Variants in DRC11 observed in about 807,000 individuals in gnomAD.
DRC11 encodes the protein IQ and AAA domain-containing protein 1.
the DRC11 span, among the ~76,000 whole-genome samples, chr2:236,447,384 G>C: frequency 6.6e-6 from 1 of 151,676 alleles, no homozygotes; most frequent in Non-Finnish European, 1.5e-5. The surrounding 1 kb of genome is among the most constrained non-coding windows in gnomAD (Gnocchi z 4.6). Context: ...GCTGGGAGCT[G>C]GCGAGGAGAG....
chr2:236,369,781 T>C, the DRC11 span, among the ~76,000 whole-genome samples: 1 of 152,188 alleles, frequency 6.6e-6, no homozygotes, highest in Non-Finnish European at 1.5e-5. This position sits in a 1 kb window ranked among gnomAD's most constrained non-coding sequence, Gnocchi z 4.5. Context: ...ACAGAAGCCA[T>C]GCCCCTTCCC....
At chr2:236,315,054 A>G in the DRC11 span, among the ~76,000 whole-genome samples, 4 of 152,248 alleles carry the variant, frequency 2.6e-5, no homozygotes, top group Non-Finnish European at 5.9e-5. The surrounding 1 kb of genome is among the most constrained non-coding windows in gnomAD (Gnocchi z 5.1). Context: ...GTAAAGCTAC[A>G]GTGCTCAAGT....
the DRC11 span, among the ~76,000 whole-genome samples, chr2:236,406,982 T>C: frequency 6.6e-6 from 1 of 152,154 alleles, no homozygotes; most frequent in Non-Finnish European, 1.5e-5. The surrounding 1 kb of genome is among the most constrained non-coding windows in gnomAD (Gnocchi z 4.7). Flanking sequence ...CTTGACCTCG[T>C]GATCCGCCTG....
the DRC11 span, chr2:236,368,739 A>G: frequency 1.2e-5 from 2 of 161,632 alleles, no homozygotes; most frequent in Admixed American, 5.8e-5. Context: ...TAGAATTTGT[A>G]TTGGAGCAGT....
At chr2:236,479,308 A>G in the DRC11 span, among the ~76,000 whole-genome samples, 2 of 152,184 alleles carry the variant, frequency 1.3e-5, no homozygotes, top group African/African-American at 2.4e-5. The surrounding 1 kb of genome is among the most constrained non-coding windows in gnomAD (Gnocchi z 4.1). Flanking sequence ...GCCACTCTCT[A>G]TCACTTAATT....
At chr2:236,400,951 C>CAAG in the DRC11 span, among the ~76,000 whole-genome samples, 1 of 152,196 alleles carries the variant, frequency 6.6e-6, no homozygotes, top group Non-Finnish European at 1.5e-5. The surrounding 1 kb of genome is among the most constrained non-coding windows in gnomAD (Gnocchi z 7.9). Flanking sequence ...TGCCCTGGCC[C>CAAG]CTTGCTCCAA....
the DRC11 span, among the ~76,000 whole-genome samples, chr2:236,343,186 AG>A: frequency 0.015 from 2,338 of 152,132 alleles, 23 homozygotes; most frequent in Non-Finnish European, 0.024. The surrounding 1 kb of genome is among the most constrained non-coding windows in gnomAD (Gnocchi z 6.6). Flanking sequence ...GGGTGTCTAC[AG>A]GGTATATTTC....
chr2:236,468,833 G>C, the DRC11 span, among the ~76,000 whole-genome samples: 3 of 152,182 alleles, frequency 2.0e-5, no homozygotes, highest in African/African-American at 4.8e-5. Flanking sequence ...TTGAAGTCTT[G>C]TATTAATAAT....
the DRC11 span, among the ~76,000 whole-genome samples, chr2:236,496,816 G>A: frequency 6.6e-6 from 1 of 152,200 alleles, no homozygotes; most frequent in Non-Finnish European, 1.5e-5. This position sits in a 1 kb window ranked among gnomAD's most constrained non-coding sequence, Gnocchi z 6.3. Context: ...AGGAGCGGGC[G>A]CTGCTACTGG....
the DRC11 span, chr2:236,364,087 A>C: frequency 1.1e-6 from 1 of 915,644 alleles, no homozygotes; most frequent in Admixed American, 2.6e-5. Flanking sequence ...CACTTTCTGC[A>C]ACAGTGATAA....
At chr2:236,310,820 GT>G in the DRC11 span, among the ~76,000 whole-genome samples, 1 of 152,202 alleles carries the variant, frequency 6.6e-6, no homozygotes, top group African/African-American at 2.4e-5. The surrounding 1 kb of genome is among the most constrained non-coding windows in gnomAD (Gnocchi z 5.5). Flanking sequence ...TGGATGTCTT[GT>G]TGGGGAGGAT....
chr2:236,320,098 TTGAG>T, the DRC11 span, among the ~76,000 whole-genome samples: 1 of 152,164 alleles, frequency 6.6e-6, no homozygotes, highest in Non-Finnish European at 1.5e-5. Context: ...AACTGTGAAT[TTGAG>T]TGCAGCAGAA....
the DRC11 span, among the ~76,000 whole-genome samples, chr2:236,491,184 C>T: frequency 5.7e-5 from 3 of 52,568 alleles, no homozygotes; most frequent in East Asian, 3.1e-4. Context: ...TATATATACA[C>T]ACAGTATATA....
chr2:236,389,926 T>C, the DRC11 span, among the ~76,000 whole-genome samples: 22 of 152,322 alleles, frequency 1.4e-4, no homozygotes, highest in South Asian at 2.9e-3. Flanking sequence ...TCCTGGAGAA[T>C]GTTCCATGCA....
chr2:236,461,231 T>C, the DRC11 span, among the ~76,000 whole-genome samples: 1 of 152,172 alleles, frequency 6.6e-6, no homozygotes, highest in African/African-American at 2.4e-5. This position sits in a 1 kb window ranked among gnomAD's most constrained non-coding sequence, Gnocchi z 4.0. Flanking sequence ...TTACAGAAAA[T>C]ATATTTTTGA....
the DRC11 span, among the ~76,000 whole-genome samples, chr2:236,357,845 AAT>A: frequency 2.2e-5 from 2 of 90,668 alleles, no homozygotes; most frequent in East Asian, 2.4e-4. Flanking sequence ...ATAAATATGT[AAT>A]ATATAAATAT....
At chr2:236,331,530 C>T in the DRC11 span, 1 of 1,613,864 alleles carries the variant, frequency 6.2e-7, no homozygotes, top group African/African-American at 1.3e-5. The surrounding 1 kb of genome is among the most constrained non-coding windows in gnomAD (Gnocchi z 4.8). Context: ...TGACCTTCGC[C>T]AGGCAGCTGA....
the DRC11 span, among the ~76,000 whole-genome samples, chr2:236,440,608 G>A: frequency 6.6e-6 from 1 of 152,236 alleles, no homozygotes; most frequent in Non-Finnish European, 1.5e-5. Flanking sequence ...CGGAGCAGGA[G>A]CTAAGCAGAA....
the DRC11 span, among the ~76,000 whole-genome samples, chr2:236,357,540 TTA>T: frequency 7.1e-5 from 9 of 127,300 alleles, no homozygotes; most frequent in Non-Finnish European, 1.1e-4. Flanking sequence ...TGAATATAAT[TTA>T]TATATTATTA....
Sources: allele counts gnomAD v4.1 joint callset (sites outside exome capture counted in the v4.1 genomes callset), GRCh38; gene constraint gnomAD v4.1.1; non-coding constraint Gnocchi (gnomAD v3.1); transcripts MANE v1.5; gene names NCBI Gene and HGNC (gene_info 2026-07-23, HGNC 2026-07-21).